The following ALPK2 variants were observed in gnomAD, a reference collection of about 807,000 sequenced individuals.
The protein encoded by ALPK2 is alpha-protein kinase 2.
A neutral mutation model predicts 163.1 loss-of-function variants in ALPK2; 127 were observed. The observed-to-expected ratio is 0.78, with a 90% confidence interval of 0.67 to 0.90. ALPK2 has a LOEUF of 0.90. Among genes scored for constraint, ALPK2 ranks in the 40% least tolerant of loss-of-function variants. The probability of loss-of-function intolerance (pLI) is 0.00; values close to 1 mark genes in which losing one functional copy is unlikely to be tolerated. For synonymous variants in ALPK2, 953 were observed against 959.1 expected, an observed-to-expected ratio of 0.99 and a Z score of 0.12; for missense variants, 2,360 against 2,589.6, an observed-to-expected ratio of 0.91 and a Z score of 1.92.
At chr18:58,546,752 A>C (rs898161260) in intron 4 of ALPK2, among the ~76,000 whole-genome samples, 2 of 152,076 alleles carry the variant, frequency 1.3e-5, no homozygotes, top group Admixed American at 1.3e-4. Flanking sequence ...TCCTGCATGC[A>C]TCTGTGTTTT....
chr18:58,546,715 T>C (rs2051719457), intron 4 of ALPK2, among the ~76,000 whole-genome samples: 1 of 152,006 alleles, frequency 6.6e-6, no homozygotes, highest in Non-Finnish European at 1.5e-5. Context: ...TCATGTGAAA[T>C]GGGTCACAAA....
intron 8 of ALPK2, among the ~76,000 whole-genome samples, chr18:58,518,643 C>A (rs1223010491): frequency 3.9e-5 from 6 of 152,218 alleles, no homozygotes; most frequent in Non-Finnish European, 8.8e-5. Context: ...TCTACTCCCC[C>A]TTCTACCAGG....
intron 3 of ALPK2, among the ~76,000 whole-genome samples, chr18:58,589,144 G>A (rs2144208033): frequency 6.6e-6 from 1 of 152,286 alleles, no homozygotes; most frequent in Middle Eastern, 3.4e-3. Context: ...CCTGGAAGAT[G>A]GGCATTAGCA....
intron 4 of ALPK2, among the ~76,000 whole-genome samples, chr18:58,550,126 A>G (rs567512231): frequency 6.6e-6 from 1 of 152,188 alleles, no homozygotes; most frequent in African/African-American, 2.4e-5. Flanking sequence ...AACTCTCTCA[A>G]CAAAGCCAGA....
At chr18:58,585,942 C>G (rs913571101) in intron 3 of ALPK2, among the ~76,000 whole-genome samples, 2 of 152,180 alleles carry the variant, frequency 1.3e-5, no homozygotes, top group African/African-American at 4.8e-5. Context: ...CCTTGGCCTC[C>G]CAAAGTGCTG....
chr18:58,618,914 G>A (rs1001685957), intron 1 of ALPK2, among the ~76,000 whole-genome samples: 6 of 152,330 alleles, frequency 3.9e-5, no homozygotes, highest in Non-Finnish European at 7.3e-5. Context: ...GCAGACCACA[G>A]GTAACCGGCT....
chr18:58,559,580 G>A (rs2144174634), intron 4 of ALPK2, among the ~76,000 whole-genome samples: 1 of 152,294 alleles, frequency 6.6e-6, no homozygotes, highest in Admixed American at 6.5e-5. Context: ...TTCCTAAGAA[G>A]AATCCTGAAA....
At chr18:58,496,297 C>G (rs1170309396) in intron 12 of ALPK2, among the ~76,000 whole-genome samples, 1 of 152,172 alleles carries the variant, frequency 6.6e-6, no homozygotes, top group Non-Finnish European at 1.5e-5. Context: ...ATAATCCCTC[C>G]TAATGCGCTG....
At chr18:58,551,958 A>G (rs991462542) in intron 4 of ALPK2, among the ~76,000 whole-genome samples, 2 of 152,176 alleles carry the variant, frequency 1.3e-5, no homozygotes, top group African/African-American at 2.4e-5. Context: ...CCTTAAGTTT[A>G]TGGTCAGATT....
At position 58,534,952 on chromosome 18, in the gene ALPK2, C is replaced by A. The variant is rs56206581; in HGVS notation, c.5235G>T (p.Lys1745Asn). The A allele has an allele frequency of 3.0e-5, 48 of 1,613,980 alleles. No individual in the cohort carries two copies. The East Asian group carries it at 1.0e-3, about 34-fold the overall frequency. ...VAALRLKLEE[K>N]ENIRKNSAFL... Reference sequence around the variant, plus strand: ...AGGCTGAGTTCTTTCTGATATTTTCCTTTTCTTCCAGTTTCAGCCTCAGTG... The same window carrying A: ...AGGCTGAGTTCTTTCTGATATTTTCATTTTCTTCCAGTTTCAGCCTCAGTG... The change falls in exon 5 of 13, where the codon AAG (lysine) becomes AAT (asparagine). Residue 1745 changes from lysine (K) to asparagine (N), a missense_variant. By Grantham distance (94) the Lys-to-Asn change is moderately conservative (BLOSUM62 0). Transcript: ENST00000361673.
chr18:58,556,169 TCACA>T (rs33920285), intron 4 of ALPK2, among the ~76,000 whole-genome samples: 12 of 149,106 alleles, frequency 8.0e-5, no homozygotes, highest in South Asian at 4.2e-4. Flanking sequence ...GGACTAGATC[TCACA>T]CACACACACA....
intron 3 of ALPK2, among the ~76,000 whole-genome samples, chr18:58,591,476 G>A (rs2052014659): frequency 6.6e-6 from 1 of 152,140 alleles, no homozygotes; most frequent in Non-Finnish European, 1.5e-5. Context: ...CTATAATACA[G>A]GACAGTGTGT....
intron 1 of ALPK2, among the ~76,000 whole-genome samples, chr18:58,614,689 G>A (rs1396261965): frequency 6.6e-6 from 1 of 151,640 alleles, no homozygotes; most frequent in Non-Finnish European, 1.5e-5. Flanking sequence ...CTCCTGAGTA[G>A]TGGGGACTAG....
chr18:58,547,523 A>G (rs557608071), intron 4 of ALPK2, among the ~76,000 whole-genome samples: 1 of 152,282 alleles, frequency 6.6e-6, no homozygotes, highest in East Asian at 1.9e-4. Context: ...TATAGACCCT[A>G]TGGTTCATCC....
At chr18:58,627,011 C>T (rs2052234212) in intron 1 of ALPK2, among the ~76,000 whole-genome samples, 1 of 152,074 alleles carries the variant, frequency 6.6e-6, no homozygotes, top group Non-Finnish European at 1.5e-5. Flanking sequence ...AAAGTGAATA[C>T]TGTTAAGATT....
At chr18:58,614,527 A>G (rs139229067) in intron 1 of ALPK2, among the ~76,000 whole-genome samples, 179 of 152,354 alleles carry the variant, frequency 1.2e-3, no homozygotes, top group African/African-American at 3.5e-3. Context: ...CATCTGCTAG[A>G]TAGCAAATAA....
At chr18:58,498,834 A>G (rs766892456) in intron 11 of ALPK2, among the ~76,000 whole-genome samples, 1 of 152,220 alleles carries the variant, frequency 6.6e-6, no homozygotes, top group East Asian at 1.9e-4. Flanking sequence ...CTCCCCAGCC[A>G]CATGGGACTA....
intron 6 of ALPK2, among the ~76,000 whole-genome samples, chr18:58,526,022 G>T (rs192843530): frequency 1.5e-4 from 23 of 150,216 alleles, no homozygotes; most frequent in Middle Eastern, 3.6e-3. Context: ...TTCTAGTCTG[G>T]GAGGAAATGG....
At chr18:58,496,301 T>C (rs573582601) in intron 12 of ALPK2, among the ~76,000 whole-genome samples, 1 of 152,278 alleles carries the variant, frequency 6.6e-6, no homozygotes, top group African/African-American at 2.4e-5. Context: ...TCCCTCCTAA[T>C]GCGCTGTCTT....
Sources: gnomAD v4.1 joint callset for allele counts (sites outside exome capture counted in the v4.1 genomes callset) on GRCh38, gnomAD v4.1.1 for gene constraint, MANE v1.5 for transcripts, NCBI Gene and HGNC (gene_info 2026-07-23, HGNC 2026-07-21) for gene names.